LRP2: variants seen among roughly 807,000 people sequenced by gnomAD.
LRP2 encodes the protein low-density lipoprotein receptor-related protein 2.
A neutral mutation model predicts 531.0 loss-of-function variants in LRP2; 172 were observed. The ratio of observed to expected loss-of-function variants is 0.32; its 90% CI spans 0.29 to 0.37. The LOEUF (loss-of-function observed/expected upper bound fraction) is 0.37. Ranked by LOEUF, LRP2 falls within the 10% of genes least tolerant of loss-of-function variation. LRP2 has a pLI of 1.00. For synonymous variants in LRP2, 1,992 were observed against 2,027.6 expected (o/e 0.98, Z 0.47); for missense variants, 5,167 against 5,868.3 (o/e 0.88, Z 3.90).
intron 45 of LRP2, 84 bp downstream of exon 45, chr2:169,198,702 G>A (rs1263322535): frequency 1.8e-5 from 27 of 1,522,582 alleles, no homozygotes; most frequent in African/African-American, 2.7e-5. Context: ...AAATCAGCCC[G>A]AATACCCACG....
chr2:169,299,970 C>T (rs1684245705), intron 4 of LRP2, among the ~76,000 whole-genome samples: 1 of 152,148 alleles, frequency 6.6e-6, no homozygotes, highest in Non-Finnish European at 1.5e-5. Context: ...AGTTATTCTA[C>T]AGAGTGCTGC....
At position 169,225,404 on chromosome 2, in the gene LRP2, G is replaced by A. The variant is rs1689165269; in HGVS notation, c.5444C>T (p.Ala1815Val). Residue 1815 changes from alanine (A) to valine (V), a missense_variant, in exon 33 of 79, where the codon GCT becomes GTT. Physicochemically the swap from Ala to Val is moderately conservative, Grantham distance 64 (BLOSUM62 0). Transcript: ENST00000649046. ...AGAAGGCCCCACCATAGATATAGAA[G>A]CAAATACTGTCCTGTTGGTGCCATC... The part of the protein sequence containing the change: ...KTDGTNRTVF[A>V]SISMVGPSMN... The A allele has an allele frequency of 5.6e-6, 9 of 1,613,908 alleles. No individual in the cohort carries two copies. Among genetic ancestry groups the A allele is most frequent in the African/African-American group, 1.3e-5 (1 of 74,892 alleles).
At chr2:169,351,265 A>C (rs538698869) in intron 1 of LRP2, among the ~76,000 whole-genome samples, 2 of 152,214 alleles carry the variant, frequency 1.3e-5, no homozygotes, top group Non-Finnish European at 2.9e-5. Context: ...CTAAAGCAAA[A>C]TGGCATGGAT....
At chr2:169,313,116 C>G (rs923201478) in intron 3 of LRP2, among the ~76,000 whole-genome samples, 1 of 152,026 alleles carries the variant, frequency 6.6e-6, no homozygotes, top group Non-Finnish European at 1.5e-5. Context: ...AATCTTTTTT[C>G]AAGATTTTTA....
intron 1 of LRP2, among the ~76,000 whole-genome samples, chr2:169,352,710 A>G (rs1188420182): frequency 6.6e-6 from 1 of 152,198 alleles, no homozygotes; most frequent in African/African-American, 2.4e-5. Flanking sequence ...AGGGACATGA[A>G]TGACGCTGGA....
chr2:169,189,537 T>C (rs1438748278), intron 48 of LRP2, among the ~76,000 whole-genome samples: 3 of 152,186 alleles, frequency 2.0e-5, no homozygotes, highest in Admixed American at 6.5e-5. Context: ...TCAGACACTA[T>C]TGCAAGTCAG....
intron 66 of LRP2, 70 bp from the exon 67 acceptor site, chr2:169,153,034 C>A: frequency 7.1e-7 from 1 of 1,409,290 alleles, no homozygotes; most frequent in South Asian, 1.2e-5. Flanking sequence ...GGGGTCTAAT[C>A]AGGTGAAGTA....
chr2:169,181,819 A>G (rs1407005008), intron 51 of LRP2, among the ~76,000 whole-genome samples: 1 of 152,264 alleles, frequency 6.6e-6, no homozygotes, highest in Non-Finnish European at 1.5e-5. Context: ...CAATGTACAG[A>G]AAATGCTCAC....
intron 33 of LRP2, among the ~76,000 whole-genome samples, chr2:169,224,974 C>T (rs1436317914): frequency 3.9e-5 from 6 of 151,920 alleles, no homozygotes; most frequent in Non-Finnish European, 8.8e-5. Flanking sequence ...GCCTGTAATC[C>T]CAGCTACTCG....
intron 37 of LRP2, among the ~76,000 whole-genome samples, chr2:169,210,689 G>C (rs979722200): frequency 1.3e-5 from 2 of 152,160 alleles, no homozygotes; most frequent in African/African-American, 4.8e-5. Context: ...TCCCAGTGCA[G>C]TGCATGAATC....
intron 1 of LRP2, among the ~76,000 whole-genome samples, chr2:169,323,266 G>T (rs830978): frequency 0.06 from 9,053 of 152,120 alleles, 376 homozygotes; most frequent in Non-Finnish European, 0.088. Context: ...CTTTTCAGTA[G>T]TAACTTCGAT....
intron 1 of LRP2, among the ~76,000 whole-genome samples, chr2:169,331,760 C>T (rs539897074): frequency 1.3e-5 from 2 of 152,198 alleles, no homozygotes; most frequent in Non-Finnish European, 2.9e-5. Context: ...ATTTGACACA[C>T]CCTGTGCAAA....
intron 3 of LRP2, among the ~76,000 whole-genome samples, chr2:169,318,211 T>A (rs2544384): frequency 2.0e-5 from 3 of 151,932 alleles, no homozygotes; most frequent in African/African-American, 7.2e-5. Context: ...ACCCCCTCAA[T>A]GTCCAGGGAT....
chr2:169,215,341 T>C lies in LRP2; in HGVS notation c.5826+912A>G, dbSNP rs1688741418. On this transcript the variant is annotated intron_variant, in intron 35 of 78. Transcript: ENST00000649046. ...TCAGTTCAGCACCCAAAGCAATGCTTCATCAATAATTATTATTGAGCATTG... is the reference window on the plus strand; with the variant it reads ...TCAGTTCAGCACCCAAAGCAATGCTCCATCAATAATTATTATTGAGCATTG... 2.0e-5 allele frequency among the ~76,000 whole-genome samples: 3 copies of C among 152,190 alleles called. No individual in the cohort carries two copies. The South Asian group carries it at 6.2e-4, about 31-fold the overall frequency.
intron 3 of LRP2, among the ~76,000 whole-genome samples, chr2:169,315,191 G>A (rs532061748): frequency 1.5e-4 from 23 of 152,222 alleles, no homozygotes; most frequent in African/African-American, 5.3e-4. Flanking sequence ...TCTGTTGAGG[G>A]CCTATAATGT....
chr2:169,261,845 A>G (rs1269092481), intron 16 of LRP2, among the ~76,000 whole-genome samples: 1 of 152,108 alleles, frequency 6.6e-6, no homozygotes, highest in African/African-American at 2.4e-5. Flanking sequence ...AAGATCCTCA[A>G]TAAAATACTG....
chr2:169,177,738 A>T, intron 53 of LRP2, 65 bp downstream of exon 53: 1 of 1,329,326 alleles, frequency 7.5e-7, no homozygotes, highest in Non-Finnish European at 1.1e-6. Context: ...GTTCATGCTT[A>T]AAGACAATCA....
At chr2:169,163,095 G>A (rs1686649362) in intron 62 of LRP2, among the ~76,000 whole-genome samples, 1 of 152,168 alleles carries the variant, frequency 6.6e-6, no homozygotes, top group Non-Finnish European at 1.5e-5. Flanking sequence ...ACAGTCAGGA[G>A]GCAAGCAACA....
At chr2:169,186,148 A>G (rs1176316741) in intron 49 of LRP2, 129 bp from the exon 50 acceptor site, 4 of 781,594 alleles carry the variant, frequency 5.1e-6, no homozygotes, top group Non-Finnish European at 8.3e-6. Flanking sequence ...GACAACAAAG[A>G]CTTCCAAAGA....
Sources: gnomAD v4.1 joint callset for allele counts (sites outside exome capture counted in the v4.1 genomes callset) on GRCh38, gnomAD v4.1.1 for gene constraint, MANE v1.5 for transcripts, NCBI Gene and HGNC (gene_info 2026-07-23, HGNC 2026-07-21) for gene names.